PTK7: variants seen among roughly 807,000 people sequenced by gnomAD.
PTK7 encodes inactive tyrosine-protein kinase 7.
PTK7 carries 39 observed loss-of-function variants against 116.6 expected under a neutral mutation model. That is an observed-to-expected ratio of 0.33 (90% CI 0.26 to 0.44). PTK7 has a LOEUF of 0.44. Among genes scored for constraint, PTK7 ranks in the 20% least tolerant of loss-of-function variants. The probability of loss-of-function intolerance (pLI) is 1.00; values close to 1 mark genes in which losing one functional copy is unlikely to be tolerated. For missense variants in PTK7, 1,169 were observed against 1,425.6 expected (o/e 0.82, Z 2.90); for synonymous variants, 546 against 563.6 (o/e 0.97, Z 0.44).
chr6:43,134,771 CTT>C (rs1719308868), intron 7 of PTK7, among the ~76,000 whole-genome samples: 1 of 148,288 alleles, frequency 6.7e-6, no homozygotes, highest in African/African-American at 2.5e-5. Flanking sequence ...CAGAGCGAGA[CTT>C]TGTCTCAGGA....
At position 43,094,720 on chromosome 6, in the gene PTK7, C is replaced by T. The variant is rs183445303; in HGVS notation, c.79+18153C>T. Among the ~76,000 whole-genome samples, 87 of 151,962 alleles carry T rather than the reference C, an allele frequency of 5.7e-4. 3 individuals are homozygous for T. The South Asian group carries it at 0.016, about 28-fold the overall frequency. On this transcript the variant is annotated intron_variant, in intron 1 of 19. Transcript: ENST00000230419. The stretch of plus-strand genomic sequence containing the variant: ...GTCTCGATCTCCTGACCTCGTCATC[C>T]GCCCGTCTCTGTCTCCCAAAGTGCT...
chr6:43,140,036 C>G (rs1416599059), intron 10 of PTK7, among the ~76,000 whole-genome samples: 1 of 152,192 alleles, frequency 6.6e-6, no homozygotes, highest in Non-Finnish European at 1.5e-5. Context: ...ATCGCTTGAA[C>G]CCAGGAGGTG....
chr6:43,094,743 G>T (rs2150382355), intron 1 of PTK7, among the ~76,000 whole-genome samples: 1 of 152,072 alleles, frequency 6.6e-6, no homozygotes, highest in East Asian at 1.9e-4. Flanking sequence ...CTCCCAAAGT[G>T]CTGGGATTAC....
chr6:43,139,612 G>A lies in PTK7; in HGVS notation c.1618+87G>A. On this transcript the variant is annotated intron_variant, in intron 10 of 19. Coordinates refer to ENST00000230419, the MANE Select transcript of PTK7 (RefSeq NM_002821.5). This position sits in a 1 kb window ranked among gnomAD's most constrained non-coding sequence, Gnocchi z 4.6. ...TGAGGGCTGCTGGGTGCCCCGCACT[G>A]TGCCAGGAAATGTGGAGATTAGACA... 1 of 1,560,854 alleles carries A rather than the reference G, an allele frequency of 6.4e-7. No individual in the cohort carries two copies. Among genetic ancestry groups the A allele is most frequent in the Non-Finnish European group, 8.7e-7 (1 of 1,153,884 alleles).
Position 43,139,296 on chromosome 6 carries a change from C to G in PTK7, c.1498+25C>G. On this transcript the variant is annotated intron_variant, in intron 9 of 19. Coordinates refer to ENST00000230419, the MANE Select transcript of PTK7 (RefSeq NM_002821.5). This position sits in a 1 kb window ranked among gnomAD's most constrained non-coding sequence, Gnocchi z 4.6. ...GGTGAGCCAGCATGTCTTGGGGGAGCACCCTTCCTGGCTAGGCAGGAGAGG... is the reference window on the plus strand; with the variant it reads ...GGTGAGCCAGCATGTCTTGGGGGAGGACCCTTCCTGGCTAGGCAGGAGAGG... 1.2e-6 allele frequency: 2 copies of G among 1,614,228 alleles called. No homozygotes were observed. Among genetic ancestry groups the G allele is most frequent in the Non-Finnish European group, 1.7e-6 (2 of 1,180,028 alleles).
chr6:43,086,680 C>G (rs1766675846), intron 1 of PTK7, among the ~76,000 whole-genome samples: 1 of 151,874 alleles, frequency 6.6e-6, no homozygotes, highest in African/African-American at 2.4e-5. Context: ...ACAAAAAATA[C>G]AAAAAAACTA....
intron 1 of PTK7, among the ~76,000 whole-genome samples, chr6:43,108,093 AC>A (rs1767993283): frequency 6.9e-6 from 1 of 145,624 alleles, no homozygotes; most frequent in African/African-American, 2.6e-5. Context: ...AGCTGCTTTA[AC>A]TTTTTTTTTT....
intron 1 of PTK7, among the ~76,000 whole-genome samples, chr6:43,103,240 C>G (rs1767681130): frequency 6.6e-6 from 1 of 152,210 alleles, no homozygotes; most frequent in African/African-American, 2.4e-5. Context: ...ATACCCTTCT[C>G]CCTTCTGAGT....
chr6:43,083,155 T>C lies in PTK7; in HGVS notation c.79+6588T>C, dbSNP rs374350733. On this transcript the variant is annotated intron_variant, in intron 1 of 19. Coordinates refer to ENST00000230419, the MANE Select transcript of PTK7 (RefSeq NM_002821.5). ...GTTTTCCTGATGGAAGAAAGGGTCATTAAACAAGGTTGGGTGTCCTTGGCC... is the reference window on the plus strand; with the variant it reads ...GTTTTCCTGATGGAAGAAAGGGTCACTAAACAAGGTTGGGTGTCCTTGGCC... 5.9e-5 allele frequency among the ~76,000 whole-genome samples: 9 copies of C among 152,354 alleles called. No individual in the cohort carries two copies. The East Asian group carries it at 1.2e-3, about 20-fold the overall frequency.
chr6:43,144,945 G>A, intron 15 of PTK7: 1 of 434,078 alleles, frequency 2.3e-6, no homozygotes, highest in Non-Finnish European at 4.1e-6. Flanking sequence ...CATACGTTAA[G>A]ACATGTTTAC....
chr6:43,153,006 G>A (rs1041141473), intron 17 of PTK7, among the ~76,000 whole-genome samples: 2 of 151,772 alleles, frequency 1.3e-5, no homozygotes, highest in African/African-American at 2.4e-5. Flanking sequence ...GGCTGGTCTC[G>A]AACTCCTGAC....
intron 1 of PTK7, among the ~76,000 whole-genome samples, chr6:43,081,684 C>T (rs1373320365): frequency 1.3e-5 from 2 of 151,994 alleles, no homozygotes; most frequent in Admixed American, 6.6e-5. Context: ...GGATTACAGG[C>T]GTGAGCCACT....
chr6:43,087,119 G>A (rs141855538), intron 1 of PTK7, among the ~76,000 whole-genome samples: 3,204 of 152,344 alleles, frequency 0.021, 54 homozygotes, highest in Non-Finnish European at 0.033. Flanking sequence ...TCCTATGGTG[G>A]TGGGATGGGG....
chr6:43,094,114 T>C (rs929268287), intron 1 of PTK7, among the ~76,000 whole-genome samples: 1 of 152,236 alleles, frequency 6.6e-6, no homozygotes, highest in African/African-American at 2.4e-5. Flanking sequence ...GGATTCGCAC[T>C]CAGTATGATT....
intron 1 of PTK7, among the ~76,000 whole-genome samples, chr6:43,088,504 C>T (rs1370339095): frequency 6.6e-6 from 1 of 151,830 alleles, no homozygotes; most frequent in Non-Finnish European, 1.5e-5. Flanking sequence ...ACCAGCCTGA[C>T]CAACATGGTG....
intron 1 of PTK7, among the ~76,000 whole-genome samples, chr6:43,080,594 A>G (rs900500037): frequency 1.3e-5 from 2 of 152,110 alleles, no homozygotes; most frequent in African/African-American, 4.8e-5. Context: ...TGAACCTCTT[A>G]GCTTCTCAGC....
chr6:43,132,307 A>G, intron 6 of PTK7, 114 bp from the exon 7 acceptor site: 1 of 1,490,928 alleles, frequency 6.7e-7, no homozygotes, highest in Non-Finnish European at 9.0e-7. Flanking sequence ...GGATATGCAG[A>G]GGGCTGCAGG....
At chr6:43,100,607 G>A (rs953793076) in intron 1 of PTK7, among the ~76,000 whole-genome samples, 13 of 151,992 alleles carry the variant, frequency 8.6e-5, no homozygotes, top group Non-Finnish European at 1.6e-4. Flanking sequence ...TACTTTATAG[G>A]AGTTTATGAG....
intron 7 of PTK7, among the ~76,000 whole-genome samples, chr6:43,135,391 G>A (rs1410402512): frequency 6.6e-6 from 1 of 152,214 alleles, no homozygotes; most frequent in East Asian, 1.9e-4. Flanking sequence ...CCCTCTCCTT[G>A]TGGAGTTCAT....
Sources: allele counts gnomAD v4.1 joint callset (sites outside exome capture counted in the v4.1 genomes callset), GRCh38; gene constraint gnomAD v4.1.1; non-coding constraint Gnocchi (gnomAD v3.1); transcripts MANE v1.5; gene names NCBI Gene and HGNC (gene_info 2026-07-23, HGNC 2026-07-21).